Variants in RABGEF1 observed in about 807,000 individuals in gnomAD.
The protein encoded by RABGEF1 is RAB guanine nucleotide exchange factor 1.
In RABGEF1, 26 loss-of-function variants were observed where a neutral mutation model predicts 57.3. The observed-to-expected ratio is 0.45, with a 90% CI of 0.33 to 0.63. The LOEUF is 0.63. Among genes scored for constraint, RABGEF1 ranks in the 20% least tolerant of loss-of-function variants. The pLI, the probability that RABGEF1 is intolerant of heterozygous loss-of-function variation, is 0.02. For synonymous variants in RABGEF1, 185 were observed against 210.7 expected (o/e 0.88, Z 1.06); for missense variants, 464 against 607.6 (o/e 0.76, Z 2.48).
intron 2 of RABGEF1, among the ~76,000 whole-genome samples, chr7:66,721,515 G>A (rs117553313): frequency 0.015 from 2,216 of 152,186 alleles, 59 homozygotes; most frequent in East Asian, 0.092. Flanking sequence ...AAATGCAACA[G>A]TGCAGCATCA....
At position 66,784,317 on chromosome 7, in the gene RABGEF1, A is replaced by T. The variant is rs201200930; in HGVS notation, c.513+476A>T. Reference sequence around the variant, plus strand: ...ATGAAAGGGACTTTAGCAACTATGGAGTTTCAGTCCCTTTATTTTATAGAT... The same window carrying T: ...ATGAAAGGGACTTTAGCAACTATGGTGTTTCAGTCCCTTTATTTTATAGAT... On this transcript the variant is annotated intron_variant, in intron 4 of 8. Coordinates refer to ENST00000284957, the MANE Select transcript of RABGEF1 (RefSeq NM_014504.3). Among the ~76,000 whole-genome samples the T allele has an allele frequency of 2.0e-5, 3 of 152,208 alleles. No homozygotes were observed. The East Asian group carries it at 5.8e-4, about 29-fold the overall frequency.
upstream of RABGEF1, among the ~76,000 whole-genome samples, chr7:66,681,633 G>T (rs1452936973): frequency 1.3e-5 from 2 of 152,092 alleles, no homozygotes; most frequent in Non-Finnish European, 2.9e-5. Flanking sequence ...CGAACTCCTG[G>T]CCTCAAGCGA....
intron 3 of RABGEF1, among the ~76,000 whole-genome samples, chr7:66,779,377 G>C (rs1156482177): frequency 6.6e-6 from 1 of 151,990 alleles, no homozygotes; most frequent in African/African-American, 2.4e-5. Context: ...GGTGGCACGT[G>C]CCTGCAATCC....
chr7:66,785,896 T>C (rs1811075123), intron 4 of RABGEF1, among the ~76,000 whole-genome samples: 1 of 151,966 alleles, frequency 6.6e-6, no homozygotes, highest in Non-Finnish European at 1.5e-5. Context: ...AAAAAGTCTT[T>C]GTACTCAGTT....
chr7:66,695,515 G>T (rs548013214), intron 1 of RABGEF1, among the ~76,000 whole-genome samples: 5 of 152,334 alleles, frequency 3.3e-5, no homozygotes, highest in African/African-American at 1.2e-4. Context: ...AGTGACAAGA[G>T]TTGCTGCAGC....
At chr7:66,712,468 A>G (rs1794880119) in intron 2 of RABGEF1, among the ~76,000 whole-genome samples, 1 of 152,038 alleles carries the variant, frequency 6.6e-6, no homozygotes, top group African/African-American at 2.4e-5. Flanking sequence ...CTTTCTGCAG[A>G]TATCTTTTTT....
chr7:66,713,370 G>A (rs1291941522), intron 2 of RABGEF1, among the ~76,000 whole-genome samples: 2 of 151,438 alleles, frequency 1.3e-5, no homozygotes, highest in South Asian at 2.1e-4. Context: ...CCTCGTGATC[G>A]GCCCGCCTTG....
intron 1 of RABGEF1, among the ~76,000 whole-genome samples, chr7:66,754,243 C>T (rs1369593675): frequency 6.6e-6 from 1 of 152,046 alleles, no homozygotes; most frequent in Non-Finnish European, 1.5e-5. Context: ...ACCTCATGAT[C>T]TGCCCACCTT....
chr7:66,670,282 T>C, the RABGEF1 span, among the ~76,000 whole-genome samples: 2 of 152,258 alleles, frequency 1.3e-5, no homozygotes, highest in East Asian at 3.9e-4. Flanking sequence ...CACTGGTCCC[T>C]TCTCATACTT....
At chr7:66,713,655 G>A (rs1400285037) in intron 2 of RABGEF1, among the ~76,000 whole-genome samples, 1 of 152,128 alleles carries the variant, frequency 6.6e-6, no homozygotes, top group Non-Finnish European at 1.5e-5. Flanking sequence ...CTGGATTTTT[G>A]GAGATGTCCT....
chr7:66,749,953 G>A (rs1477422070), intron 1 of RABGEF1, among the ~76,000 whole-genome samples: 3 of 152,070 alleles, frequency 2.0e-5, no homozygotes, highest in Admixed American at 1.3e-4. Context: ...CAGCGTGGGC[G>A]ACAGAGCGAG....
intron 1 of RABGEF1, among the ~76,000 whole-genome samples, chr7:66,685,534 C>T (rs1396680328): frequency 6.6e-6 from 1 of 152,130 alleles, no homozygotes; most frequent in Non-Finnish European, 1.5e-5. Context: ...ATACTCATTT[C>T]CTGGTTGTTT....
intron 1 of RABGEF1, among the ~76,000 whole-genome samples, chr7:66,749,863 A>C (rs1801029514): frequency 6.6e-6 from 1 of 152,082 alleles, no homozygotes; most frequent in Admixed American, 6.6e-5. Context: ...AGTCCCAGCT[A>C]CTCGGGAGGC....
intron 1 of RABGEF1, among the ~76,000 whole-genome samples, chr7:66,763,956 T>A (rs1301438418): frequency 6.6e-6 from 1 of 152,246 alleles, no homozygotes; most frequent in Non-Finnish European, 1.5e-5. Context: ...CACGTACAAG[T>A]TTCTCTGTGG....
intron 4 of RABGEF1, among the ~76,000 whole-genome samples, chr7:66,789,849 G>C (rs1367961548): frequency 6.6e-6 from 1 of 152,152 alleles, no homozygotes; most frequent in Non-Finnish European, 1.5e-5. Context: ...GTGCCATGCA[G>C]TCTCCTGGTG....
chr7:66,764,715 C>T (rs944219737), intron 1 of RABGEF1, among the ~76,000 whole-genome samples: 2 of 152,142 alleles, frequency 1.3e-5, no homozygotes, highest in Admixed American at 1.3e-4. Context: ...GGTGAAAAGA[C>T]TCTTCTTTTC....
rs569324880 is a variant in RABGEF1 at position 66,688,037 on chromosome 7, A to G, written c.-873+5779A>G. On this transcript the variant is annotated intron_variant and NMD_transcript_variant, in intron 1 of 9. Transcript: ENST00000607882. Reference sequence around the variant, plus strand: ...GAGGCAGAGGTTGCAGTGAGCTGAGATCGTGTTATTGCACTCCAGCCTGGG... The same window carrying G: ...GAGGCAGAGGTTGCAGTGAGCTGAGGTCGTGTTATTGCACTCCAGCCTGGG... Among the ~76,000 whole-genome samples the G allele has an allele frequency of 8.8e-4, 126 of 143,890 alleles. 2 individuals carry two copies. Among genetic ancestry groups the G allele is most frequent in the African/African-American group, 3.2e-3 (122 of 38,536 alleles). 94.4% of individuals were successfully genotyped at this position (143,890 alleles called of 152,430 possible).
the RABGEF1 span, among the ~76,000 whole-genome samples, chr7:66,667,999 T>A: frequency 2.0e-5 from 3 of 152,128 alleles, no homozygotes; most frequent in Non-Finnish European, 4.4e-5. Flanking sequence ...GGTTTCACCA[T>A]GTTGGGAAGG....
At chr7:66,695,159 A>C (rs1792129791) in intron 1 of RABGEF1, among the ~76,000 whole-genome samples, 1 of 152,210 alleles carries the variant, frequency 6.6e-6, no homozygotes, top group Non-Finnish European at 1.5e-5. Flanking sequence ...TAAAAAGACA[A>C]AGATAAGCCG....
Sources: gnomAD v4.1 joint callset for allele counts (sites outside exome capture counted in the v4.1 genomes callset) on GRCh38, gnomAD v4.1.1 for gene constraint, MANE v1.5 for transcripts, NCBI Gene and HGNC (gene_info 2026-07-23, HGNC 2026-07-21) for gene names.